DLGAP5: variants seen among roughly 807,000 people sequenced by gnomAD.
DLGAP5 encodes the protein DLG associated protein 5, also known as disks large-associated protein 5.
In DLGAP5, 90 loss-of-function variants were observed where a neutral mutation model predicts 99.6. The observed-to-expected ratio is 0.90, with a 90% CI of 0.76 to 1.08. DLGAP5 has a LOEUF of 1.08. DLGAP5 is among the 50% of genes least tolerant of loss of function. The probability of loss-of-function intolerance (pLI) is 0.00; values close to 1 mark genes in which losing one functional copy is unlikely to be tolerated. For synonymous variants in DLGAP5, 311 were observed against 321.3 expected (o/e 0.97, Z 0.34); for missense variants, 1,036 against 983.5 (o/e 1.05, Z -0.71).
intron 4 of DLGAP5, among the ~76,000 whole-genome samples, chr14:55,181,970 T>C (rs1456213786): frequency 6.6e-6 from 1 of 152,228 alleles, no homozygotes; most frequent in Non-Finnish European, 1.5e-5. Context: ...TAAAGAGGCA[T>C]ATTATTTCCC....
rs1404914803 is a variant in DLGAP5 at position 55,170,703 on chromosome 14, A to G, written c.1386T>C (p.Asp462=). The G allele has an allele frequency of 6.2e-7, 1 of 1,611,268 alleles. No individual in the cohort carries two copies. The highest frequency in any genetic ancestry group is 1.1e-5 in the South Asian group (1 of 90,808). Reference sequence around the variant, plus strand: ...CAAAAAATACAAATGTTGCCTCACCATCATCTGGAATGTCCAATTCAAGTT... The same window carrying G: ...CAAAAAATACAAATGTTGCCTCACCGTCATCTGGAATGTCCAATTCAAGTT... The part of the protein sequence containing the change: ...DRKLELDIPD[D]AKDLIRTAVG... Residue 462 remains aspartate (D), a splice_region_variant and synonymous_variant, in exon 11 of 19, where the codon GAT becomes GAC. Transcript: ENST00000247191.
At chr14:55,183,515 C>T (rs1019565588) in intron 3 of DLGAP5, 45 bp downstream of exon 3, 5 of 1,449,950 alleles carry the variant, frequency 3.4e-6, no homozygotes, top group Non-Finnish European at 4.6e-6. Context: ...GAAGAAAATA[C>T]CAAATAAAAG....
intron 1 of DLGAP5, among the ~76,000 whole-genome samples, chr14:55,190,666 G>A (rs747035413): frequency 3.3e-5 from 5 of 152,166 alleles, no homozygotes; most frequent in Non-Finnish European, 5.9e-5. Context: ...CACAAGTAAT[G>A]CAATACATTG....
Position 55,154,748 on chromosome 14 carries a change from G to C in DLGAP5, c.1932C>G (p.Asn644Lys). 6.2e-7 allele frequency: 1 copy of C among 1,614,116 alleles called. No homozygotes were observed. The highest frequency in any genetic ancestry group is 1.1e-5 in the South Asian group (1 of 91,080). The part of the protein sequence containing the change: ...SQRLGTPKSV[N>K]KAVSQSRNEM... ...CATTTCTACTCTGAGATACAGCTTT[G>C]TTGACAGACTTAGGTGTTCCAAGTC... Residue 644 changes from asparagine (N) to lysine (K), a missense_variant, in exon 15 of 19, where the codon AAC becomes AAG. Coordinates refer to ENST00000247191, the MANE Select transcript of DLGAP5 (RefSeq NM_014750.5).
rs371872680 is a variant in DLGAP5, at chr14:55,151,859, T to C, written c.2204A>G (p.Asp735Gly). The change falls in exon 17 of 19, where the codon GAT becomes GGT. Residue 735 changes from aspartate to glycine, a missense_variant. Transcript: ENST00000247191. ...SLPLLAGGVA[D>G]DINTNKKEGI... ...TTCTTTTTTGTTAGTATTAATATCA[T>C]CTGCTACTCCACCAGCAAGAAGAGG... is the stretch of plus-strand genomic sequence containing the variant. 1.9e-6 allele frequency: 3 copies of C among 1,614,014 alleles called. No individual in the cohort carries two copies. The highest frequency in any genetic ancestry group is 2.5e-6 in the Non-Finnish European group (3 of 1,179,966).
At chr14:55,183,927 C>T (rs886684611) in intron 2 of DLGAP5, among the ~76,000 whole-genome samples, 174 bp from the exon 3 acceptor site, 1 of 151,994 alleles carries the variant, frequency 6.6e-6, no homozygotes, top group Non-Finnish European at 1.5e-5. Flanking sequence ...CTGAGGAGGG[C>T]GGATCATCTG....
chr14:55,172,279 G>C (rs980339521), intron 10 of DLGAP5, among the ~76,000 whole-genome samples: 14 of 149,602 alleles, frequency 9.4e-5, no homozygotes, highest in Admixed American at 2.0e-4. Flanking sequence ...CTTGAGCCTA[G>C]GAGTTCCAGA....
intron 2 of DLGAP5, among the ~76,000 whole-genome samples, chr14:55,187,318 C>CTTTT (rs1194143957): frequency 3.9e-5 from 5 of 126,714 alleles, no homozygotes; most frequent in East Asian, 2.3e-4. Flanking sequence ...CAAAGTGATC[C>CTTTT]TTTTTTTTTT....
intron 2 of DLGAP5, among the ~76,000 whole-genome samples, chr14:55,187,318 CTTTT>C (rs1194143957): frequency 7.9e-6 from 1 of 126,716 alleles, no homozygotes; most frequent in Non-Finnish European, 1.6e-5. Context: ...CAAAGTGATC[CTTTT>C]TTTTTTTTTT....
chr14:55,190,291 C>A (rs868580843), intron 1 of DLGAP5, among the ~76,000 whole-genome samples: 2 of 143,928 alleles, frequency 1.4e-5, no homozygotes, highest in Admixed American at 1.4e-4. Flanking sequence ...AAAAGCCATA[C>A]ACACACACAC....
In DLGAP5 at chr14:55,176,976, GAAAAAAAAAA is replaced by G. The variant is rs34109336; in HGVS notation, c.1049+76_1049+85del. ...CTGGGCGACAGAGCGAACTCCGTCT[GAAAAAAAAAA>G]AAAAAAAAAAAAAAAAAAGAAAGGC... is the stretch of plus-strand genomic sequence containing the variant. On this transcript the variant is annotated intron_variant, in intron 8 of 18. Transcript: ENST00000247191. 2,420 of 253,488 alleles carry G rather than the reference GAAAAAAAAAA, an allele frequency of 9.5e-3. 32 individuals carry two copies. In the African/African-American group the frequency reaches 0.12, roughly 12 times the overall value. The allele number at this position is 253,488 out of a possible 1,614,324, so 15.7% of individuals were successfully genotyped here.
At chr14:55,155,100 C>A (rs187218706) in intron 14 of DLGAP5, among the ~76,000 whole-genome samples, 68 of 152,282 alleles carry the variant, frequency 4.5e-4, no homozygotes, top group Admixed American at 7.8e-4. Context: ...TCTCGGCTCA[C>A]TGCAACCTCC....
intron 10 of DLGAP5, among the ~76,000 whole-genome samples, chr14:55,172,020 G>A (rs1161453697): frequency 6.6e-6 from 1 of 151,940 alleles, no homozygotes; most frequent in Non-Finnish European, 1.5e-5. Context: ...CTACCACCAC[G>A]CCCAGATAAT....
chr14:55,177,562 G>A (rs1474692038), intron 7 of DLGAP5, among the ~76,000 whole-genome samples: 2 of 151,140 alleles, frequency 1.3e-5, no homozygotes, highest in Admixed American at 6.6e-5. Flanking sequence ...TTTTGATACG[G>A]AGTAGCCCTC....
chr14:55,164,916 T>G (rs1291552620), intron 12 of DLGAP5, among the ~76,000 whole-genome samples: 1 of 106,296 alleles, frequency 9.4e-6, no homozygotes. Context: ...AGTGAGACTC[T>G]GTCTCAAAAA....
chr14:55,153,221 T>A (rs1882078056), intron 15 of DLGAP5, among the ~76,000 whole-genome samples: 1 of 152,202 alleles, frequency 6.6e-6, no homozygotes, highest in South Asian at 2.1e-4. Flanking sequence ...ATTCTAATCC[T>A]GAAGTTACTA....
intron 12 of DLGAP5, among the ~76,000 whole-genome samples, chr14:55,168,259 T>G (rs72718815): frequency 0.012 from 1,813 of 152,314 alleles, 15 homozygotes; most frequent in Middle Eastern, 0.027. Context: ...GGCTGAGATT[T>G]CCTTAACTTC....
intron 3 of DLGAP5, among the ~76,000 whole-genome samples, chr14:55,182,742 T>A (rs960554618): frequency 1.3e-5 from 2 of 152,168 alleles, no homozygotes; most frequent in African/African-American, 4.8e-5. Flanking sequence ...CTCAGCCTGG[T>A]ACCTGGCTTC....
chr14:55,167,181 G>C (rs1182140772), intron 12 of DLGAP5, among the ~76,000 whole-genome samples: 4 of 150,474 alleles, frequency 2.7e-5, no homozygotes, highest in African/African-American at 9.8e-5. Flanking sequence ...TTGAACCCAG[G>C]AGGCAGAGGT....
Sources: allele counts gnomAD v4.1 joint callset (sites outside exome capture counted in the v4.1 genomes callset), GRCh38; gene constraint gnomAD v4.1.1; transcripts MANE v1.5; gene names NCBI Gene and HGNC (gene_info 2026-07-23, HGNC 2026-07-21).